Variants in DOCK2 observed in about 807,000 individuals in gnomAD.
DOCK2 encodes the protein dedicator of cytokinesis 2.
In DOCK2, 87 loss-of-function variants were observed where a neutral mutation model predicts 248.9. That is an observed-to-expected ratio of 0.35 (90% confidence interval 0.29 to 0.42). The LOEUF is 0.42. DOCK2 is among the 10% of genes least tolerant of loss of function. The probability of loss-of-function intolerance (pLI) is 1.00; values close to 1 mark genes in which losing one functional copy is unlikely to be tolerated. For missense variants in DOCK2, 1,747 were observed against 2,300.2 expected (o/e 0.76, Z 4.92); for synonymous variants, 805 against 821.6 (o/e 0.98, Z 0.35).
At chr5:169,712,927 G>A (rs1355888995) in intron 17 of DOCK2, among the ~76,000 whole-genome samples, 4 of 152,226 alleles carry the variant, frequency 2.6e-5, no homozygotes, top group South Asian at 2.1e-4. Flanking sequence ...CCTGGCTGGA[G>A]GCAAGTGTAT....
chr5:169,790,472 C>T (rs1447855504), intron 25 of DOCK2, among the ~76,000 whole-genome samples: 1 of 152,200 alleles, frequency 6.6e-6, no homozygotes, highest in Non-Finnish European at 1.5e-5. Context: ...AGGCATATAT[C>T]CCAATTATTT....
At chr5:169,970,276 A>C (rs1204935754) in intron 27 of DOCK2, among the ~76,000 whole-genome samples, 2 of 152,204 alleles carry the variant, frequency 1.3e-5, no homozygotes, top group African/African-American at 4.8e-5. Flanking sequence ...TGAAAGACAA[A>C]ATAATTGCTC....
At chr5:169,898,619 G>A (rs934916884) in intron 27 of DOCK2, among the ~76,000 whole-genome samples, 18 of 152,254 alleles carry the variant, frequency 1.2e-4, no homozygotes, top group African/African-American at 4.3e-4. Flanking sequence ...TCTTAACATA[G>A]TGTCTATCTT....
chr5:169,670,928 A>G (rs1759017428), intron 4 of DOCK2, 150 bp from the exon 5 acceptor site: 4 of 651,714 alleles, frequency 6.1e-6, no homozygotes, highest in Admixed American at 2.8e-5. Context: ...TTGTATTTGC[A>G]TAATGTAGTT....
chr5:170,064,359 C>T (rs1263830793), intron 44 of DOCK2, among the ~76,000 whole-genome samples: 1 of 151,860 alleles, frequency 6.6e-6, no homozygotes, highest in African/African-American at 2.4e-5. Context: ...AAGATGCTCA[C>T]CAAGGACAGG....
chr5:170,003,494 C>T (rs1243526884), intron 30 of DOCK2, among the ~76,000 whole-genome samples: 1 of 152,258 alleles, frequency 6.6e-6, no homozygotes, highest in East Asian at 1.9e-4. Flanking sequence ...AGGAAGTGAT[C>T]AGGCAGACCC....
chr5:169,752,868 C>G (rs1183067732), intron 23 of DOCK2, among the ~76,000 whole-genome samples: 1 of 152,134 alleles, frequency 6.6e-6, no homozygotes, highest in African/African-American at 2.4e-5. Context: ...AGTTTGAGAT[C>G]AGCCTGGCCA....
At chr5:169,776,019 T>C (rs556336505) in intron 25 of DOCK2, among the ~76,000 whole-genome samples, 1 of 152,036 alleles carries the variant, frequency 6.6e-6, no homozygotes, top group African/African-American at 2.4e-5. Flanking sequence ...ATTATCAAAA[T>C]ATTGTGAGTT....
intron 1 of DOCK2, among the ~76,000 whole-genome samples, chr5:169,638,635 C>G (rs79640817): frequency 0.038 from 5,801 of 152,248 alleles, 154 homozygotes; most frequent in African/African-American, 0.075. Flanking sequence ...GGTCCAGGGT[C>G]TTACCTAGCA....
At chr5:169,767,596 T>A (rs1016301131) in intron 25 of DOCK2, among the ~76,000 whole-genome samples, 1 of 152,196 alleles carries the variant, frequency 6.6e-6, no homozygotes, top group Non-Finnish European at 1.5e-5. Flanking sequence ...GTAACCTCTC[T>A]GAGCTGTAGC....
intron 6 of DOCK2, among the ~76,000 whole-genome samples, chr5:169,681,481 G>C (rs1244206726): frequency 6.6e-6 from 1 of 150,872 alleles, no homozygotes; most frequent in East Asian, 1.9e-4. Flanking sequence ...ACACATCCTA[G>C]TTCAAGTGTT....
At chr5:169,957,762 A>G (rs1776926158) in intron 27 of DOCK2, among the ~76,000 whole-genome samples, 1 of 152,188 alleles carries the variant, frequency 6.6e-6, no homozygotes, top group Non-Finnish European at 1.5e-5. Flanking sequence ...TGGTCTGTTC[A>G]TGACCCTGTT....
intron 26 of DOCK2, among the ~76,000 whole-genome samples, chr5:169,835,776 T>C (rs1034321362): frequency 1.3e-5 from 2 of 151,968 alleles, no homozygotes; most frequent in Non-Finnish European, 2.9e-5. Flanking sequence ...TTTTTCTTTT[T>C]TGAGACAGGG....
chr5:169,707,149 A>C (rs1761316897), intron 14 of DOCK2, among the ~76,000 whole-genome samples: 1 of 152,206 alleles, frequency 6.6e-6, no homozygotes, highest in African/African-American at 2.4e-5. Context: ...GGGTAATCCT[A>C]GCTTGGATCT....
chr5:169,841,691 C>T (rs750883938), intron 27 of DOCK2, among the ~76,000 whole-genome samples: 2 of 152,208 alleles, frequency 1.3e-5, no homozygotes, highest in Non-Finnish European at 2.9e-5. Context: ...AGCATAGAGG[C>T]TTGCCTTCTC....
intron 22 of DOCK2, among the ~76,000 whole-genome samples, chr5:169,740,834 T>C (rs1185145411): frequency 6.6e-6 from 1 of 152,188 alleles, no homozygotes; most frequent in East Asian, 1.9e-4. Flanking sequence ...GTATGTGTTT[T>C]GTTTTTGTTT....
rs1447099008 is a variant in DOCK2 at position 170,045,721 on chromosome 5, C to T, written c.3877-95C>T. Reference sequence around the variant, plus strand: ...GTCAGAGCAAGGTTTCCCCTCAGTCCCAGGAAGCACAGCTACGCCTGAGTC... The same window carrying T: ...GTCAGAGCAAGGTTTCCCCTCAGTCTCAGGAAGCACAGCTACGCCTGAGTC... On this transcript the variant is annotated intron_variant, in intron 38 of 51. Coordinates refer to ENST00000520908, the MANE Select transcript of DOCK2 (RefSeq NM_004946.3). The T allele has an allele frequency of 4.8e-6, 6 of 1,252,430 alleles. No homozygotes were observed. The Admixed American group carries it at 8.4e-5, about 18-fold the overall frequency. 77.6% of individuals were successfully genotyped at this position (1,252,430 alleles called of 1,614,324 possible). A position where few individuals can be genotyped will look rare whatever the true frequency, so the allele number is the denominator to read the frequency against.
At chr5:169,818,384 G>A (rs1768203686) in intron 26 of DOCK2, among the ~76,000 whole-genome samples, 1 of 152,172 alleles carries the variant, frequency 6.6e-6, no homozygotes, top group Non-Finnish European at 1.5e-5. Context: ...TGTTGATTTG[G>A]ATTGAGTTAA....
intron 6 of DOCK2, among the ~76,000 whole-genome samples, chr5:169,677,736 G>A (rs987499644): frequency 6.6e-6 from 1 of 152,140 alleles, no homozygotes; most frequent in Non-Finnish European, 1.5e-5. Flanking sequence ...TCTGCTGCTC[G>A]CTGCTTGCAA....
Sources: allele counts gnomAD v4.1 joint callset (sites outside exome capture counted in the v4.1 genomes callset), GRCh38; gene constraint gnomAD v4.1.1; transcripts MANE v1.5; gene names NCBI Gene and HGNC (gene_info 2026-07-23, HGNC 2026-07-21).